FNTB: variants seen among roughly 807,000 people sequenced by gnomAD.
FNTB encodes the protein protein farnesyltransferase subunit beta.
Under a neutral mutation model 59.4 loss-of-function variants are expected in FNTB, and 27 were observed. The observed-to-expected ratio is 0.45, with a 90% CI of 0.34 to 0.63. FNTB has a LOEUF of 0.63. FNTB is among the 20% of genes least tolerant of loss of function. FNTB has a pLI of 0.02. For synonymous variants in FNTB, 230 were observed against 220.7 expected (o/e 1.04, Z -0.37); for missense variants, 449 against 559.6 (o/e 0.80, Z 1.99).
At chr14:65,002,163 T>C (rs1305822825) in intron 1 of FNTB, among the ~76,000 whole-genome samples, 2 of 151,898 alleles carry the variant, frequency 1.3e-5, no homozygotes, top group African/African-American at 2.4e-5. Flanking sequence ...AAAAAAAACA[T>C]GTCTCACTAC....
Position 65,047,347 on chromosome 14 carries a change from G to A in FNTB, c.955+2904G>A, listed in dbSNP as rs888179151. 1.3e-5 allele frequency among the ~76,000 whole-genome samples: 2 copies of A among 152,252 alleles called. No homozygotes were observed. The highest frequency in any genetic ancestry group is 2.9e-5 in the Non-Finnish European group (2 of 68,042). ...CACTCACAAGGGTTAGTATGTGGTTGTGTGAATCCAGACTAGCTGGCATCT... is the reference window on the plus strand; with the variant it reads ...CACTCACAAGGGTTAGTATGTGGTTATGTGAATCCAGACTAGCTGGCATCT... On this transcript the variant is annotated intron_variant, in intron 9 of 11. Transcript: ENST00000246166. This position sits in a 1 kb window ranked among gnomAD's most constrained non-coding sequence, Gnocchi z 5.2.
rs554781282 is a variant in FNTB at position 65,062,493 on chromosome 14, T to G, written c.*1181T>G. The G allele has an allele frequency of 6.6e-6, 1 of 152,658 alleles. No homozygotes were observed. Among genetic ancestry groups the G allele is most frequent in the Non-Finnish European group, 1.5e-5 (1 of 68,046 alleles). The allele number at this position is 152,658 out of a possible 1,614,324, so 9.5% of individuals were successfully genotyped here. On this transcript the variant is annotated 3_prime_UTR_variant, in exon 12 of 12. Coordinates refer to ENST00000246166, the MANE Select transcript of FNTB (RefSeq NM_002028.4). The surrounding 1 kb of genome is among the most constrained non-coding windows in gnomAD (Gnocchi z 4.3). ...GGGCCATCTGTCTACTGACCTGGCC[T>G]TCATGTAAGCAGCTGTGGGCTGCGG...
At chr14:65,036,892 C>T (rs1200944223) in intron 7 of FNTB, among the ~76,000 whole-genome samples, 2 of 152,076 alleles carry the variant, frequency 1.3e-5, no homozygotes, top group South Asian at 2.1e-4. Flanking sequence ...CCCTCCTGAG[C>T]CTCCCAAAGT....
chr14:64,994,528 C>CTGTTTAGT lies in FNTB; in HGVS notation c.144+7431_144+7432insTGTTTAGT, dbSNP rs1888323376. Among the ~76,000 whole-genome samples the CTGTTTAGT allele has an allele frequency of 6.6e-6, 1 of 152,176 alleles. No individual in the cohort carries two copies. The highest frequency in any genetic ancestry group is 2.4e-5 in the African/African-American group (1 of 41,428). On this transcript the variant is annotated intron_variant, in intron 1 of 11. Transcript: ENST00000246166. The surrounding 1 kb of genome is among the most constrained non-coding windows in gnomAD (Gnocchi z 4.2). The stretch of plus-strand genomic sequence containing the variant: ...TCCTAGGCTACAGGCTACAAACCTA[C>CTGTTTAGT]ACAGTATGTTACTGTACTAAATACT...
intron 2 of FNTB, among the ~76,000 whole-genome samples, chr14:65,010,982 A>G (rs2061674596): frequency 6.6e-6 from 1 of 152,046 alleles, no homozygotes; most frequent in Non-Finnish European, 1.5e-5. Context: ...CCTTTTTCAC[A>G]CAAACTTTCC....
chr14:65,022,135 CT>C, intron 4 of FNTB: 1 of 453,196 alleles, frequency 2.2e-6, no homozygotes, highest in Admixed American at 2.4e-5. Context: ...GAGATTTCCT[CT>C]TCACTATATC....
Position 65,053,356 on chromosome 14 carries a change from GT to G in FNTB, c.1067+11del. Reference sequence around the variant, plus strand: ...TTCTGGATAAACCTGGCAAGTGAGTGTTTTCTCTCTGGGGAGGGAAGGGAGA... The same window carrying G: ...TTCTGGATAAACCTGGCAAGTGAGTGTTTCTCTCTGGGGAGGGAAGGGAGA... On this transcript the variant is annotated splice_region_variant and intron_variant, in intron 10 of 11. Coordinates refer to ENST00000246166, the MANE Select transcript of FNTB (RefSeq NM_002028.4). 7.1e-7 allele frequency: 1 copy of G among 1,416,216 alleles called. No homozygotes were observed. The highest frequency in any genetic ancestry group is 9.3e-7 in the Non-Finnish European group (1 of 1,076,316). The allele number at this position is 1,416,216 out of a possible 1,614,324, so 87.7% of individuals were successfully genotyped here.
At chr14:65,021,873 T>C (rs141927811) in intron 4 of FNTB, 136 of 451,556 alleles carry the variant, frequency 3.0e-4, no homozygotes, top group African/African-American at 2.5e-3. Context: ...CTCAAACTCC[T>C]GGCCTTAAGT....
rs753133724 is a variant in FNTB, at chr14:65,054,471, G to T, written c.1068-104G>T. Reference sequence around the variant, plus strand: ...CCTCCTCTAGCCACATGGAGGATGGGGGGGGACGTGTGATTGCACCAGTGG... The same window carrying T: ...CCTCCTCTAGCCACATGGAGGATGGTGGGGGACGTGTGATTGCACCAGTGG... On this transcript the variant is annotated intron_variant, in intron 10 of 11. Coordinates refer to ENST00000246166, the MANE Select transcript of FNTB (RefSeq NM_002028.4). The surrounding 1 kb of genome is among the most constrained non-coding windows in gnomAD (Gnocchi z 4.4). 1.9e-5 allele frequency: 22 copies of T among 1,163,950 alleles called. No homozygotes were observed. In the East Asian group the frequency reaches 2.1e-4, roughly 11 times the overall value. 72.1% of individuals were successfully genotyped at this position (1,163,950 alleles called of 1,614,324 possible).
At chr14:65,005,449 T>TTTTCTCTCTTTCTTTC in intron 2 of FNTB, among the ~76,000 whole-genome samples, 1 of 119,912 alleles carries the variant, frequency 8.3e-6, no homozygotes, top group South Asian at 3.1e-4. Context: ...TCTTCCTTTC[T>TTTTCTCTCTTTCTTTC]TTTCTTTCTT....
intron 8 of FNTB, among the ~76,000 whole-genome samples, chr14:65,042,441 C>CGGTTCACAGTAG: frequency 6.6e-6 from 1 of 152,154 alleles, no homozygotes; most frequent in East Asian, 1.9e-4. Context: ...CTGGCATACA[C>CGGTTCACAGTAG]GGTTCACAGT....
rs1287767080 is a variant in FNTB, at chr14:64,997,158, G to A, written c.145-7091G>A. Among the ~76,000 whole-genome samples, 2 of 152,146 alleles carry A rather than the reference G, an allele frequency of 1.3e-5. No individual in the cohort carries two copies. Among genetic ancestry groups the A allele is most frequent in the East Asian group, 3.9e-4 (2 of 5,192 alleles). On this transcript the variant is annotated intron_variant, in intron 1 of 11. Transcript: ENST00000246166. This position sits in a 1 kb window ranked among gnomAD's most constrained non-coding sequence, Gnocchi z 4.5. Reference sequence around the variant, plus strand: ...GGTCCTGAATTCTGCTAAGATGTAGGTGTAAAGGATAACCAGCGATTATTC... The same window carrying A: ...GGTCCTGAATTCTGCTAAGATGTAGATGTAAAGGATAACCAGCGATTATTC...
At chr14:65,006,610 G>C (rs1162074223) in intron 2 of FNTB, among the ~76,000 whole-genome samples, 1 of 152,186 alleles carries the variant, frequency 6.6e-6, no homozygotes, top group Non-Finnish European at 1.5e-5. Flanking sequence ...TGTTGTGGTT[G>C]TACCCCCGAT....
Position 65,030,653 on chromosome 14 carries a change from C to G in FNTB, c.606-1957C>G, listed in dbSNP as rs1436503221. On this transcript the variant is annotated intron_variant, in intron 6 of 11. Transcript: ENST00000246166. This position sits in a 1 kb window ranked among gnomAD's most constrained non-coding sequence, Gnocchi z 4.5. The stretch of plus-strand genomic sequence containing the variant: ...GCTGCTTAGGAGGCTGAGGCAAGAT[C>G]AGTTTGAGCCCAGGAGTTTGAGGTT... 6.6e-6 allele frequency among the ~76,000 whole-genome samples: 1 copy of G among 151,758 alleles called. No individual in the cohort carries two copies.
chr14:65,049,087 G>C (rs531510561), intron 9 of FNTB, among the ~76,000 whole-genome samples: 6 of 150,450 alleles, frequency 4.0e-5, no homozygotes, highest in Non-Finnish European at 7.4e-5. Flanking sequence ...AGATCGCGCC[G>C]TTGCACTCCA....
At chr14:65,005,297 T>A (rs2061562760) in intron 2 of FNTB, among the ~76,000 whole-genome samples, 1 of 152,218 alleles carries the variant, frequency 6.6e-6, no homozygotes, top group Non-Finnish European at 1.5e-5. Context: ...TTTCATAAGG[T>A]TATTTCATTC....
chr14:64,999,629 GA>G (rs1287372164), intron 1 of FNTB, among the ~76,000 whole-genome samples: 2 of 152,076 alleles, frequency 1.3e-5, no homozygotes, highest in Admixed American at 1.3e-4. Flanking sequence ...AATGGTATAT[GA>G]ATTATATCTC....
intron 9 of FNTB, 186 bp from the exon 10 acceptor site, chr14:65,053,052 T>C (rs987446626): frequency 5.1e-6 from 2 of 393,016 alleles, no homozygotes; most frequent in Non-Finnish European, 8.8e-6. Flanking sequence ...TTGACACATG[T>C]CAAAGTTCAG....
rs977648950 is a variant in FNTB, at chr14:65,011,887, G to A, written c.210-430G>A. Among the ~76,000 whole-genome samples, 32 of 152,192 alleles carry A rather than the reference G, an allele frequency of 2.1e-4. No individual in the cohort carries two copies. The highest frequency in any genetic ancestry group is 6.8e-4 in the African/African-American group (28 of 41,436). On this transcript the variant is annotated intron_variant, in intron 2 of 11. Coordinates refer to ENST00000246166, the MANE Select transcript of FNTB (RefSeq NM_002028.4). This position sits in a 1 kb window ranked among gnomAD's most constrained non-coding sequence, Gnocchi z 4.0. ...CCTTGGAGAAGTCATCCCAGACGGG[G>A]TGACTGAAATGACAGCGGCTGAGGC...
Sources: allele counts gnomAD v4.1 joint callset (sites outside exome capture counted in the v4.1 genomes callset), GRCh38; gene constraint gnomAD v4.1.1; non-coding constraint Gnocchi (gnomAD v3.1); transcripts MANE v1.5; gene names NCBI Gene and HGNC (gene_info 2026-07-23, HGNC 2026-07-21).